The following TBC1D8 variants were observed in gnomAD, a reference collection of about 807,000 sequenced individuals.
TBC1D8 encodes BUB2-like protein 1.
Under a neutral mutation model 118.8 loss-of-function variants are expected in TBC1D8, and 65 were observed. That is an observed-to-expected ratio of 0.55 (90% confidence interval 0.45 to 0.67). The LOEUF (loss-of-function observed/expected upper bound fraction) is 0.67. Among genes scored for constraint, TBC1D8 ranks in the 30% least tolerant of loss-of-function variants. TBC1D8 has a pLI of 0.00. For missense variants in TBC1D8, 1,376 were observed against 1,471.2 expected (o/e 0.94, Z 1.06); for synonymous variants, 566 against 595.8 (o/e 0.95, Z 0.73).
intron 2 of TBC1D8, among the ~76,000 whole-genome samples, chr2:101,086,412 T>A (rs62155198): frequency 4.6e-5 from 7 of 152,026 alleles, no homozygotes; most frequent in Non-Finnish European, 7.4e-5. Flanking sequence ...TTTCCTAAAG[T>A]GATTAAAGAA....
At chr2:101,102,749 A>G (rs1000955670) in intron 1 of TBC1D8, among the ~76,000 whole-genome samples, 5 of 152,116 alleles carry the variant, frequency 3.3e-5, no homozygotes, top group Non-Finnish European at 7.4e-5. Context: ...AGGAATAAAG[A>G]GGGGTATTAC....
chr2:101,079,536 G>A (rs993909868), intron 2 of TBC1D8, among the ~76,000 whole-genome samples: 31 of 151,804 alleles, frequency 2.0e-4, no homozygotes, highest in African/African-American at 5.6e-4. Context: ...CACCACGCCC[G>A]GCTAATTTTT....
intron 1 of TBC1D8, among the ~76,000 whole-genome samples, chr2:101,122,809 T>C (rs1574064887): frequency 6.6e-6 from 1 of 152,184 alleles, no homozygotes; most frequent in Non-Finnish European, 1.5e-5. Context: ...TTTTCAACAG[T>C]GTGCAGTTGA....
At chr2:101,124,354 C>A (rs574368238) in intron 1 of TBC1D8, among the ~76,000 whole-genome samples, 1 of 152,284 alleles carries the variant, frequency 6.6e-6, no homozygotes, top group East Asian at 1.9e-4. Context: ...TATCTCAAGG[C>A]TCTATAATAA....
intron 5 of TBC1D8, among the ~76,000 whole-genome samples, chr2:101,043,319 G>T (rs545970536): frequency 6.6e-6 from 1 of 152,178 alleles, no homozygotes; most frequent in Non-Finnish European, 1.5e-5. Flanking sequence ...AGGACCCCAA[G>T]TTCCCCAAGC....
intron 1 of TBC1D8, among the ~76,000 whole-genome samples, chr2:101,145,380 A>C (rs2104286069): frequency 6.6e-6 from 1 of 152,330 alleles, no homozygotes; most frequent in South Asian, 2.1e-4. Context: ...TTATGCTTTT[A>C]AGAAAAAATA....
chr2:101,046,944 C>CCAT (rs1470967628), intron 5 of TBC1D8, among the ~76,000 whole-genome samples: 1 of 152,180 alleles, frequency 6.6e-6, no homozygotes, highest in Non-Finnish European at 1.5e-5. Context: ...TTAATGAAGC[C>CCAT]CATCACTCTC....
chr2:101,118,863 A>C (rs1051696269), intron 1 of TBC1D8, among the ~76,000 whole-genome samples: 1 of 152,090 alleles, frequency 6.6e-6, no homozygotes, highest in Non-Finnish European at 1.5e-5. Flanking sequence ...TACAAAAATT[A>C]GCTGGGTGTG....
rs13382534 is a variant in TBC1D8 at position 101,048,667 on chromosome 2, T to G, written c.872+1734A>C. Reference sequence around the variant, plus strand: ...CATGCTGCCGTTCACAGGCCATGAATGGACACTCTCTCCCCCACACATTGA... The same window carrying G: ...CATGCTGCCGTTCACAGGCCATGAAGGGACACTCTCTCCCCCACACATTGA... On this transcript the variant is annotated intron_variant, in intron 5 of 19. Transcript: ENST00000409318. 6.3e-3 allele frequency among the ~76,000 whole-genome samples: 959 copies of G among 151,414 alleles called. 19 individuals are homozygous for G. The highest frequency in any genetic ancestry group is 0.022 in the African/African-American group (902 of 41,202).
intron 1 of TBC1D8, among the ~76,000 whole-genome samples, chr2:101,132,830 G>A (rs1678653376): frequency 6.6e-6 from 1 of 151,632 alleles, no homozygotes; most frequent in African/African-American, 2.4e-5. Flanking sequence ...GAACTCCTGG[G>A]CCCAAGTGAT....
At chr2:101,094,023 CA>C (rs1030745329) in intron 1 of TBC1D8, among the ~76,000 whole-genome samples, 6 of 152,106 alleles carry the variant, frequency 3.9e-5, no homozygotes, top group Admixed American at 2.6e-4. Context: ...CTTATCTGAT[CA>C]GTCCTCCTGT....
At chr2:101,100,145 G>A (rs1474873443) in intron 1 of TBC1D8, among the ~76,000 whole-genome samples, 1 of 152,120 alleles carries the variant, frequency 6.6e-6, no homozygotes, top group East Asian at 1.9e-4. Flanking sequence ...ATTGAACTGA[G>A]AGGTAACATC....
intron 1 of TBC1D8, chr2:101,110,003 G>A (rs1677494385): frequency 4.4e-5 from 43 of 985,292 alleles, no homozygotes; most frequent in Non-Finnish European, 5.1e-5. Flanking sequence ...TGGCGCTACA[G>A]GAAAATCCTC....
intron 1 of TBC1D8, among the ~76,000 whole-genome samples, chr2:101,128,956 G>A (rs1678468789): frequency 6.6e-6 from 1 of 152,030 alleles, no homozygotes; most frequent in Admixed American, 6.5e-5. Context: ...GAGGGAGCAG[G>A]GGGAGTTATT....
chr2:101,139,751 C>T (rs1321729243), intron 1 of TBC1D8, among the ~76,000 whole-genome samples: 1 of 152,204 alleles, frequency 6.6e-6, no homozygotes, highest in East Asian at 1.9e-4. Flanking sequence ...CAGCTACCAC[C>T]CTCCTGCACA....
chr2:101,021,216 C>G (rs188864005), intron 17 of TBC1D8, among the ~76,000 whole-genome samples: 1 of 152,294 alleles, frequency 6.6e-6, no homozygotes, highest in East Asian at 1.9e-4. Context: ...CCGTCAATGT[C>G]AAGTCTGATC....
chr2:101,061,722 C>T (rs1156968205), intron 2 of TBC1D8, among the ~76,000 whole-genome samples: 1 of 152,154 alleles, frequency 6.6e-6, no homozygotes, highest in Non-Finnish European at 1.5e-5. Context: ...AGCAGCAGCC[C>T]ACTCAGGTGT....
chr2:101,134,655 G>GCC (rs1678759831), intron 1 of TBC1D8, among the ~76,000 whole-genome samples: 1 of 152,158 alleles, frequency 6.6e-6, no homozygotes, highest in African/African-American at 2.4e-5. Flanking sequence ...AAAGGGAACA[G>GCC]CCCTATAGGA....
At chr2:101,131,210 C>T (rs1184313802) in intron 1 of TBC1D8, among the ~76,000 whole-genome samples, 1 of 152,198 alleles carries the variant, frequency 6.6e-6, no homozygotes, top group Non-Finnish European at 1.5e-5. Flanking sequence ...GCTCCCTTAC[C>T]TCTTTAAAAA....
Sources: gnomAD v4.1 joint callset for allele counts (sites outside exome capture counted in the v4.1 genomes callset) on GRCh38, gnomAD v4.1.1 for gene constraint, MANE v1.5 for transcripts, NCBI Gene and HGNC (gene_info 2026-07-23, HGNC 2026-07-21) for gene names.